Variants in RASGRP3 observed in about 807,000 individuals in gnomAD.
RASGRP3 encodes RAS guanyl releasing protein 3.
In RASGRP3, 54 loss-of-function variants were observed where a neutral mutation model predicts 82.7. The ratio of observed to expected loss-of-function variants is 0.65; its 90% CI spans 0.52 to 0.82. The LOEUF is 0.82. RASGRP3 is among the 40% of genes least tolerant of loss of function. The probability of loss-of-function intolerance (pLI) is 0.00; values close to 1 mark genes in which losing one functional copy is unlikely to be tolerated. For synonymous variants in RASGRP3, 309 were observed against 300.5 expected (o/e 1.03, Z -0.29); for missense variants, 861 against 828.9 (o/e 1.04, Z -0.48).
chr2:33,543,159 T>G (rs1480518333), intron 12 of RASGRP3, among the ~76,000 whole-genome samples: 1 of 152,148 alleles, frequency 6.6e-6, no homozygotes, highest in African/African-American at 2.4e-5. Context: ...ACTATAGGCA[T>G]GCACCACCGT....
At chr2:33,517,476 G>A (rs1671580173) in intron 4 of RASGRP3, among the ~76,000 whole-genome samples, 1 of 152,178 alleles carries the variant, frequency 6.6e-6, no homozygotes, top group African/African-American at 2.4e-5. Context: ...AGAGGGAGAG[G>A]CACCATCAAG....
chr2:33,516,678 C>T, intron 4 of RASGRP3, 34 bp downstream of exon 4: 1 of 1,371,116 alleles, frequency 7.3e-7, no homozygotes, highest in Non-Finnish European at 1.0e-6. Flanking sequence ...TTTTTACAAT[C>T]ATAAATCAAG....
At chr2:33,484,766 A>AAAAAT (rs1275683293) in intron 1 of RASGRP3, among the ~76,000 whole-genome samples, 1 of 152,220 alleles carries the variant, frequency 6.6e-6, no homozygotes, top group African/African-American at 2.4e-5. Context: ...TGCAGAAGAG[A>AAAAAT]AAAATAAATT....
At chr2:33,512,644 C>A (rs1228752293) in intron 2 of RASGRP3, among the ~76,000 whole-genome samples, 1 of 152,138 alleles carries the variant, frequency 6.6e-6, no homozygotes, top group Non-Finnish European at 1.5e-5. Context: ...TTCAAAAAGT[C>A]TCTTAAAAAT....
intron 7 of RASGRP3, among the ~76,000 whole-genome samples, chr2:33,523,506 T>G (rs998587553): frequency 1.3e-5 from 2 of 151,572 alleles, no homozygotes; most frequent in African/African-American, 4.9e-5. Flanking sequence ...CTTCTGAAGA[T>G]AGTGATCATT....
rs1244697531 is a variant in RASGRP3 at position 33,480,377 on chromosome 2, C to T, written c.-261+3670C>T. Among the ~76,000 whole-genome samples the T allele has an allele frequency of 2.0e-5, 3 of 152,146 alleles. No homozygotes were observed. The East Asian group carries it at 5.8e-4, about 29-fold the overall frequency. On this transcript the variant is annotated intron_variant, in intron 1 of 17. Transcript: ENST00000403687. ...GAAGAATTTTTAATCTTTAATTCCA[C>T]CTGCCTGCTGCCTCTAAAACTAAGC...
intron 13 of RASGRP3, among the ~76,000 whole-genome samples, chr2:33,547,148 C>T (rs944420271): frequency 6.7e-6 from 1 of 150,340 alleles, no homozygotes; most frequent in African/African-American, 2.4e-5. Flanking sequence ...AGCAAACTAA[C>T]GCAGGAACAG....
At chr2:33,460,278 A>G (rs1414367383) in intron 2 of RASGRP3, among the ~76,000 whole-genome samples, 2 of 152,222 alleles carry the variant, frequency 1.3e-5, no homozygotes, top group Non-Finnish European at 2.9e-5. Context: ...TAAGGGAAAA[A>G]TCAATTTACA....
At position 33,529,132 on chromosome 2, in the gene RASGRP3, T is replaced by A. The variant is rs184708966; in HGVS notation, c.1083+1720T>A. On this transcript the variant is annotated intron_variant, in intron 10 of 17. Transcript: ENST00000403687. ...ATGGGGTAGGGAAATTAATTTGAGT[T>A]ATAAATGAAACAAGCAATGTTATGA... Among the ~76,000 whole-genome samples, 712 of 152,238 alleles carry A rather than the reference T, an allele frequency of 4.7e-3. 3 individuals are homozygous for A. Among genetic ancestry groups the A allele is most frequent in the Admixed American group, 7.7e-3 (117 of 15,290 alleles).
chr2:33,475,343 T>C (rs1323340517), upstream of RASGRP3, among the ~76,000 whole-genome samples: 1 of 152,232 alleles, frequency 6.6e-6, no homozygotes, highest in Admixed American at 6.5e-5. Flanking sequence ...TAGAAAACAC[T>C]GTATCCTCTA....
At chr2:33,452,954 C>T (rs1318297347) in intron 2 of RASGRP3, among the ~76,000 whole-genome samples, 1 of 152,174 alleles carries the variant, frequency 6.6e-6, no homozygotes, top group Non-Finnish European at 1.5e-5. Context: ...CTGGATTTCA[C>T]TGAAGTGGGC....
At position 33,563,887 on chromosome 2, in the gene RASGRP3, C is replaced by T. The variant is rs1212022863; in HGVS notation, c.*1150C>T. 1 of 152,024 alleles carries T rather than the reference C, an allele frequency of 6.6e-6. No individual in the cohort carries two copies. Among genetic ancestry groups the T allele is most frequent in the Non-Finnish European group, 1.5e-5 (1 of 68,016 alleles). The allele number at this position is 152,024 out of a possible 1,614,324, so 9.4% of individuals were successfully genotyped here. A position where few individuals can be genotyped will look rare whatever the true frequency, so the allele number is the denominator to read the frequency against. The stretch of plus-strand genomic sequence containing the variant: ...ATAACTAGTTATGGGTCTATTTCTT[C>T]CATGATTAGAGGAGAGAGAACTTGA... On this transcript the variant is annotated 3_prime_UTR_variant, in exon 18 of 18. Transcript: ENST00000403687.
At chr2:33,537,946 T>C (rs1194975420) in intron 11 of RASGRP3, among the ~76,000 whole-genome samples, 1 of 152,216 alleles carries the variant, frequency 6.6e-6, no homozygotes, top group African/African-American at 2.4e-5. Flanking sequence ...ACCTAATGAT[T>C]GGCAGAACAG....
intron 1 of RASGRP3, among the ~76,000 whole-genome samples, chr2:33,492,632 C>T (rs746838871): frequency 6.6e-6 from 1 of 152,158 alleles, no homozygotes; most frequent in Non-Finnish European, 1.5e-5. Context: ...CTTTCTGTGC[C>T]ATGTGAGAAC....
intron 1 of RASGRP3, among the ~76,000 whole-genome samples, chr2:33,492,901 A>G (rs1464405803): frequency 6.6e-6 from 1 of 152,140 alleles, no homozygotes; most frequent in African/African-American, 2.4e-5. Flanking sequence ...GGGGACATGT[A>G]TGGGAGCCTT....
At chr2:33,532,714 A>G (rs1673221125) in intron 10 of RASGRP3, 1 of 152,172 alleles carries the variant, frequency 6.6e-6, no homozygotes, top group Admixed American at 6.5e-5. Flanking sequence ...TTTACAGTTA[A>G]GTCGGTTTTA....
At chr2:33,494,719 T>TA (rs1178899873) in intron 1 of RASGRP3, among the ~76,000 whole-genome samples, 1 of 152,226 alleles carries the variant, frequency 6.6e-6, no homozygotes, top group Non-Finnish European at 1.5e-5. Context: ...CTTTACAAAG[T>TA]AAAGTATTGA....
chr2:33,556,777 T>C (rs1209174626), intron 15 of RASGRP3, among the ~76,000 whole-genome samples: 2 of 152,024 alleles, frequency 1.3e-5, no homozygotes, highest in East Asian at 3.9e-4. Flanking sequence ...TCTCTATCAC[T>C]TGCCTTGGTC....
chr2:33,493,841 A>G (rs1264676043), intron 1 of RASGRP3, among the ~76,000 whole-genome samples: 1 of 152,204 alleles, frequency 6.6e-6, no homozygotes, highest in Admixed American at 6.5e-5. Flanking sequence ...CCTCAAAATC[A>G]GACCAGTGAG....
Sources: gnomAD v4.1 joint callset for allele counts (sites outside exome capture counted in the v4.1 genomes callset) on GRCh38, gnomAD v4.1.1 for gene constraint, MANE v1.5 for transcripts, NCBI Gene and HGNC (gene_info 2026-07-23, HGNC 2026-07-21) for gene names.